The following DYM variants were observed in gnomAD, a reference collection of about 807,000 sequenced individuals.
DYM encodes the protein dymeclin, also known as dyggve-Melchior-Clausen syndrome protein.
Under a neutral mutation model 93.1 loss-of-function variants are expected in DYM, and 78 were observed. That is an observed-to-expected ratio of 0.84 (90% confidence interval 0.70 to 1.01). DYM has a LOEUF of 1.01. Among genes scored for constraint, DYM ranks in the 50% least tolerant of loss-of-function variants. The pLI is 0.00. For missense variants in DYM, 789 were observed against 845.0 expected, an observed-to-expected ratio of 0.93 and a Z score of 0.82; for synonymous variants, 321 against 319.7, an observed-to-expected ratio of 1.00 and a Z score of -0.04.
chr18:49,072,103 A>T (rs1568372963), intron 17 of DYM, among the ~76,000 whole-genome samples: 1 of 152,244 alleles, frequency 6.6e-6, no homozygotes, highest in Non-Finnish European at 1.5e-5. Flanking sequence ...TAGATAATTT[A>T]GCCTAGTTCC....
intron 5 of DYM, among the ~76,000 whole-genome samples, chr18:49,373,110 GA>G (rs1049867459): frequency 6.6e-6 from 1 of 152,118 alleles, no homozygotes; most frequent in African/African-American, 2.4e-5. Context: ...GGTATATAAT[GA>G]AAAATAATTT....
chr18:49,051,857 G>C (rs1040528239), intron 17 of DYM, among the ~76,000 whole-genome samples: 1 of 152,190 alleles, frequency 6.6e-6, no homozygotes, highest in Non-Finnish European at 1.5e-5. Flanking sequence ...ACTGGTCATG[G>C]GGGGACTGAA....
chr18:49,225,397 G>A (rs2144225103), intron 13 of DYM, among the ~76,000 whole-genome samples: 1 of 152,172 alleles, frequency 6.6e-6, no homozygotes, highest in East Asian at 1.9e-4. Context: ...TGCCAGCAAC[G>A]AACATCCTGG....
intron 17 of DYM, among the ~76,000 whole-genome samples, chr18:49,080,259 C>T (rs570755520): frequency 4.3e-5 from 5 of 117,640 alleles, no homozygotes; most frequent in South Asian, 2.9e-4. Context: ...GGCAGAGGGG[C>T]TCCTCACTTC....
At chr18:49,046,728 T>C (rs763603361) in intron 17 of DYM, among the ~76,000 whole-genome samples, 3 of 152,100 alleles carry the variant, frequency 2.0e-5, no homozygotes, top group Non-Finnish European at 4.4e-5. Flanking sequence ...AGCAAGACCC[T>C]ATCTTTACAA....
chr18:49,201,785 TC>T (rs1242837734), intron 14 of DYM, among the ~76,000 whole-genome samples: 1 of 152,244 alleles, frequency 6.6e-6, no homozygotes, highest in Non-Finnish European at 1.5e-5. Context: ...GCGCAGATAA[TC>T]CTGTTTCAGA....
At chr18:49,248,315 C>A (rs537962275) in intron 13 of DYM, among the ~76,000 whole-genome samples, 1 of 152,136 alleles carries the variant, frequency 6.6e-6, no homozygotes, top group South Asian at 2.1e-4. Context: ...TAGCAGAGAC[C>A]AATACATTCT....
intron 11 of DYM, among the ~76,000 whole-genome samples, chr18:49,270,061 G>C (rs28842890): frequency 0.025 from 3,836 of 152,202 alleles, 152 homozygotes; most frequent in African/African-American, 0.086. Context: ...CAGTAACAAC[G>C]CTGTACTGGT....
intron 17 of DYM, among the ~76,000 whole-genome samples, chr18:49,060,878 G>A (rs2075936570): frequency 6.6e-6 from 1 of 152,030 alleles, no homozygotes; most frequent in South Asian, 2.1e-4. Context: ...GAGGAGAGAA[G>A]TGTAAGGCAC....
At chr18:49,385,307 A>G (rs1196124272) in intron 3 of DYM, among the ~76,000 whole-genome samples, 1 of 152,196 alleles carries the variant, frequency 6.6e-6, no homozygotes, top group African/African-American at 2.4e-5. Flanking sequence ...CTATCATAAA[A>G]AACAACTGAC....
At chr18:49,386,081 G>T (rs1382661101) in intron 3 of DYM, among the ~76,000 whole-genome samples, 1 of 152,020 alleles carries the variant, frequency 6.6e-6, no homozygotes. Flanking sequence ...CAAAGAGCTG[G>T]AATTACAGGT....
chr18:49,393,096 GGAAGGAAGGAAGGA>G (rs2069564021), intron 2 of DYM, among the ~76,000 whole-genome samples: 1 of 13,666 alleles, frequency 7.3e-5, no homozygotes, highest in African/African-American at 4.0e-4. Context: ...AGGGAGGGAA[GGAAGGAAGGAAGGA>G]AGGAAGGAAG....
intron 8 of DYM, among the ~76,000 whole-genome samples, chr18:49,294,366 G>C (rs1038058381): frequency 1.3e-5 from 2 of 152,172 alleles, no homozygotes; most frequent in Non-Finnish European, 2.9e-5. Context: ...GTCAATGGTA[G>C]CTTGATGGGG....
At chr18:49,423,725 A>G (rs1289779591) in intron 2 of DYM, among the ~76,000 whole-genome samples, 2 of 152,212 alleles carry the variant, frequency 1.3e-5, no homozygotes, top group Non-Finnish European at 2.9e-5. Flanking sequence ...ATCACTACTG[A>G]TCCCACAGAA....
chr18:49,405,250 T>C (rs1448413489), intron 2 of DYM, among the ~76,000 whole-genome samples: 2 of 152,190 alleles, frequency 1.3e-5, no homozygotes, highest in East Asian at 1.9e-4. Context: ...TTAGTTTAAA[T>C]AGATTCCACT....
At chr18:49,145,870 T>C (rs2085071031) in intron 15 of DYM, among the ~76,000 whole-genome samples, 1 of 152,172 alleles carries the variant, frequency 6.6e-6, no homozygotes, top group African/African-American at 2.4e-5. Flanking sequence ...TCTATTTTAC[T>C]TGTTTTCTTT....
rs1350695477 is a variant in DYM, at chr18:49,041,222, C to G, written c.*2833G>C. 6.6e-6 allele frequency among the ~76,000 whole-genome samples: 1 copy of G among 152,194 alleles called. No homozygotes were observed. Among genetic ancestry groups the G allele is most frequent in the East Asian group, 1.9e-4 (1 of 5,196 alleles). ...GAACTAGAGTTAGAAATCTGAAGCT[C>G]TTCTGCAAAGTGCCTTGAACTCTTG... is the stretch of plus-strand genomic sequence containing the variant. On this transcript the variant is annotated 3_prime_UTR_variant, in exon 18 of 18. Coordinates refer to ENST00000675505, the MANE Select transcript of DYM (RefSeq NM_001353214.3).
chr18:49,383,727 TAGAC>T (rs1313334991), intron 3 of DYM, among the ~76,000 whole-genome samples: 1 of 152,200 alleles, frequency 6.6e-6, no homozygotes, highest in Admixed American at 6.5e-5. Flanking sequence ...CTCAATGAAA[TAGAC>T]AGCTCCATGA....
intron 17 of DYM, among the ~76,000 whole-genome samples, chr18:49,078,011 G>A (rs1386147724): frequency 7.2e-6 from 1 of 139,766 alleles, no homozygotes; most frequent in African/African-American, 3.3e-5. Context: ...ATCCTCTCTT[G>A]TTTTGTTCCT....
Sources: gnomAD v4.1 joint callset for allele counts (sites outside exome capture counted in the v4.1 genomes callset) on GRCh38, gnomAD v4.1.1 for gene constraint, MANE v1.5 for transcripts, NCBI Gene and HGNC (gene_info 2026-07-23, HGNC 2026-07-21) for gene names.